The following MMP26 variants were observed in gnomAD, a reference collection of about 807,000 sequenced individuals.
MMP26 encodes matrix metalloproteinase-26.
MMP26 carries 33 observed loss-of-function variants against 31.0 expected under a neutral mutation model. That is an observed-to-expected ratio of 1.06 (90% CI 0.81 to 1.42). MMP26 has a LOEUF of 1.42. Among genes scored for constraint, MMP26 ranks in the 40% most tolerant of loss-of-function variants. MMP26 has a pLI of 0.00. For missense variants in MMP26, 347 were observed against 316.1 expected (o/e 1.10, Z -0.74); for synonymous variants, 122 against 114.9 (o/e 1.06, Z -0.40).
At chr11:4,716,134 T>C in intron 1 of MMP26, among the ~76,000 whole-genome samples, 1 of 152,152 alleles carries the variant, frequency 6.6e-6, no homozygotes, top group East Asian at 1.9e-4. Context: ...AGGAACTAAA[T>C]TCCTACGGCA....
chr11:4,727,763 C>T (rs1343653478), intron 1 of MMP26, among the ~76,000 whole-genome samples: 1 of 152,012 alleles, frequency 6.6e-6, no homozygotes, highest in East Asian at 1.9e-4. Flanking sequence ...GAGCTGAGAT[C>T]GTGCCATTGC....
chr11:4,769,524 G>C (rs948051389), intron 2 of MMP26: 2 of 1,613,740 alleles, frequency 1.2e-6, no homozygotes, highest in African/African-American at 2.7e-5. Context: ...GTGTACCTCA[G>C]AGGGTCACAG....
chr11:4,933,480 C>T (rs112695363), intron 2 of MMP26, among the ~76,000 whole-genome samples: 1 of 35,552 alleles, frequency 2.8e-5, no homozygotes, highest in East Asian at 3.4e-3. Context: ...TTAAGAAAGA[C>T]AGAAAGATTG....
intron 2 of MMP26, among the ~76,000 whole-genome samples, chr11:4,970,617 G>A (rs1019477052): frequency 3.3e-5 from 5 of 152,226 alleles, no homozygotes; most frequent in African/African-American, 1.2e-4. Context: ...AGGTGGGCCA[G>A]TCATCAGTCT....
chr11:4,895,299 C>T (rs1366531221), intron 2 of MMP26, among the ~76,000 whole-genome samples: 2 of 152,252 alleles, frequency 1.3e-5, no homozygotes, highest in South Asian at 2.1e-4. Context: ...GTCCCTGTTC[C>T]AAAGTTCTTA....
At chr11:4,889,917 T>C (rs1422974744) in intron 2 of MMP26, 3 of 156,332 alleles carry the variant, frequency 1.9e-5, no homozygotes, top group Non-Finnish European at 4.3e-5. Flanking sequence ...CTTTCTGACA[T>C]CATACAGAGG....
At chr11:4,893,561 T>C (rs1358434702) in intron 2 of MMP26, among the ~76,000 whole-genome samples, 1 of 152,214 alleles carries the variant, frequency 6.6e-6, no homozygotes, top group Non-Finnish European at 1.5e-5. Flanking sequence ...GCCTCAGTCA[T>C]ACTCTTTCCT....
At chr11:4,847,790 G>A (rs975981686) in intron 2 of MMP26, 1 of 153,256 alleles carries the variant, frequency 6.5e-6, no homozygotes, top group Non-Finnish European at 1.5e-5. Context: ...CCTAAGGATT[G>A]GTCAGAATTC....
At chr11:4,965,764 A>G (rs888110140) in intron 2 of MMP26, among the ~76,000 whole-genome samples, 5 of 152,192 alleles carry the variant, frequency 3.3e-5, no homozygotes, top group African/African-American at 1.2e-4. Context: ...AAAGTAATTC[A>G]TGTATGGAGA....
chr11:4,847,518 G>GC (rs1849889542), intron 2 of MMP26: 1 of 152,176 alleles, frequency 6.6e-6, no homozygotes, highest in African/African-American at 2.4e-5. Flanking sequence ...TCATAGTGAT[G>GC]TTTTGGTGCA....
intron 2 of MMP26, chr11:4,913,030 A>C (rs1411699873): frequency 6.6e-6 from 1 of 152,148 alleles, no homozygotes; most frequent in Non-Finnish European, 1.5e-5. Flanking sequence ...TAGTCCTCTT[A>C]AATTTATTTG....
chr11:4,813,095 T>C (rs568076853), intron 2 of MMP26, among the ~76,000 whole-genome samples: 8 of 151,950 alleles, frequency 5.3e-5, no homozygotes, highest in Non-Finnish European at 1.0e-4. Flanking sequence ...AACTTCGCTA[T>C]CTGGGTTCAA....
chr11:4,965,611 A>G (rs1589820536), intron 2 of MMP26, among the ~76,000 whole-genome samples: 1 of 152,190 alleles, frequency 6.6e-6, no homozygotes, highest in Non-Finnish European at 1.5e-5. Flanking sequence ...ACTACAGGGA[A>G]AAGTTGTGTT....
chr11:4,722,945 T>C, intron 1 of MMP26: 1 of 788,838 alleles, frequency 1.3e-6, no homozygotes, highest in Non-Finnish European at 2.3e-6. Flanking sequence ...ACTGGTGGTC[T>C]TTGTATGGAT....
At chr11:4,798,458 T>C (rs1356796938) in intron 2 of MMP26, among the ~76,000 whole-genome samples, 5 of 152,210 alleles carry the variant, frequency 3.3e-5, no homozygotes, top group African/African-American at 1.2e-4. Context: ...CACACAATAC[T>C]CAAAATGCAA....
intron 2 of MMP26, among the ~76,000 whole-genome samples, chr11:4,892,132 A>C (rs569340335): frequency 6.6e-6 from 1 of 152,260 alleles, no homozygotes; most frequent in African/African-American, 2.4e-5. Context: ...CAAAACCACA[A>C]ACTTTTCAAC....
intron 2 of MMP26, among the ~76,000 whole-genome samples, chr11:4,820,553 C>T (rs938808275): frequency 6.6e-6 from 1 of 151,506 alleles, no homozygotes; most frequent in African/African-American, 2.4e-5. Flanking sequence ...CTTATTCCTC[C>T]TCCTCCTCTT....
In MMP26 at chr11:4,885,706, C is replaced by A. The variant is rs114285890; in HGVS notation, c.-144-102362C>A. The stretch of plus-strand genomic sequence containing the variant: ...TTTTTTTAATAAACAAACACATGGG[C>A]ATACATATGTATACATTTATAAATT... On this transcript the variant is annotated intron_variant, in intron 2 of 7. Transcript: ENST00000380390. Among the ~76,000 whole-genome samples the A allele has an allele frequency of 8.2e-3, 1,242 of 152,112 alleles. 21 individuals are homozygous for A. Among genetic ancestry groups the A allele is most frequent in the African/African-American group, 0.029 (1,184 of 41,508 alleles).
At chr11:4,759,133 A>AAAAAC (rs1848541457) in intron 1 of MMP26, among the ~76,000 whole-genome samples, 1 of 151,444 alleles carries the variant, frequency 6.6e-6, no homozygotes, top group Non-Finnish European at 1.5e-5. Context: ...AAAAAAAAAA[A>AAAAAC]AAGACAAAAA....
Sources: allele counts gnomAD v4.1 joint callset (sites outside exome capture counted in the v4.1 genomes callset), GRCh38; gene constraint gnomAD v4.1.1; transcripts MANE v1.5; gene names NCBI Gene and HGNC (gene_info 2026-07-23, HGNC 2026-07-21).